The following CDH23 variants were observed in gnomAD, a reference collection of about 807,000 sequenced individuals.
CDH23 encodes cadherin related 23, also known as cadherin-23.
In CDH23, 189 loss-of-function variants were observed where a neutral mutation model predicts 317.1. That is an observed-to-expected ratio of 0.60 (90% confidence interval 0.53 to 0.67). The LOEUF is 0.67. Among genes scored for constraint, CDH23 ranks in the 30% least tolerant of loss-of-function variants. The pLI, the probability that CDH23 is intolerant of heterozygous loss-of-function variation, is 0.00. For synonymous variants in CDH23, 1,839 were observed against 1,876.8 expected (o/e 0.98, Z 0.52); for missense variants, 4,401 against 4,592.4 (o/e 0.96, Z 1.20).
chr10:71,420,550 A>G (rs1848758159), intron 1 of CDH23, among the ~76,000 whole-genome samples: 6 of 6,082 alleles, frequency 9.9e-4, no homozygotes, highest in Admixed American at 1.5e-3. Context: ...TGATGGTGAT[A>G]TGATGATGGT....
intron 11 of CDH23, chr10:71,635,407 A>G (rs992069432): frequency 1.3e-5 from 2 of 152,586 alleles, no homozygotes; most frequent in African/African-American, 4.8e-5. Flanking sequence ...CCAGCTGCCA[A>G]TCGGATTGAA....
intron 6 of CDH23, among the ~76,000 whole-genome samples, chr10:71,553,552 A>G (rs568017161): frequency 2.0e-5 from 3 of 151,832 alleles, no homozygotes; most frequent in Non-Finnish European, 4.4e-5. Flanking sequence ...CAGAATGTAC[A>G]CTCACCCAGG....
At chr10:71,398,814 T>C (rs1417206) in intron 1 of CDH23, among the ~76,000 whole-genome samples, 63,411 of 151,742 alleles carry the variant, frequency 0.42, 18,584 homozygotes, top group African/African-American at 0.83. Flanking sequence ...CCCCCGTGAG[T>C]TGGGAAGGTG....
Position 71,751,625 on chromosome 10 carries a change from G to T in CDH23, c.4845+9704G>T. The T allele has an allele frequency of 6.7e-7, 1 of 1,502,730 alleles. No homozygotes were observed. Among genetic ancestry groups the T allele is most frequent in the South Asian group, 1.4e-5 (1 of 74,072 alleles). The allele number at this position is 1,502,730 out of a possible 1,614,324, so 93.1% of individuals were successfully genotyped here. On this transcript the variant is annotated intron_variant, in intron 38 of 69. Coordinates refer to ENST00000224721, the MANE Select transcript of CDH23 (RefSeq NM_022124.6). This position sits in a 1 kb window ranked among gnomAD's most constrained non-coding sequence, Gnocchi z 4.9. ...GATGCCCTGCAGGCCATGAGGTCATGACCTTACAGGTCATCGTGCTGTGAA... is the reference window on the plus strand; with the variant it reads ...GATGCCCTGCAGGCCATGAGGTCATTACCTTACAGGTCATCGTGCTGTGAA...
intron 8 of CDH23, among the ~76,000 whole-genome samples, chr10:71,575,300 A>G (rs1268873144): frequency 6.6e-6 from 1 of 152,204 alleles, no homozygotes. Flanking sequence ...CCAGGCCCAA[A>G]TAAAGTAACA....
intron 6 of CDH23, among the ~76,000 whole-genome samples, chr10:71,555,068 G>A (rs1856803965): frequency 6.6e-6 from 1 of 152,308 alleles, no homozygotes; most frequent in East Asian, 1.9e-4. Flanking sequence ...GGGCACGGGG[G>A]TATGAGGCTT....
Position 71,774,051 on chromosome 10 carries a change from G to GCACA in CDH23, c.4846-3594_4846-3591dup, listed in dbSNP as rs57159718. Among the ~76,000 whole-genome samples, 751 of 88,522 alleles carry GCACA rather than the reference G, an allele frequency of 8.5e-3. 1 individual carries two copies. The highest frequency in any genetic ancestry group is 0.013 in the Middle Eastern group (2 of 152). The allele number at this position is 88,522 out of a possible 152,430, so 58.1% of individuals were successfully genotyped here. Reference sequence around the variant, plus strand: ...AGGCACCCTGAGTGCATGCGCGCGCGCACACACACACACACACACACACAC... The same window carrying GCACA: ...AGGCACCCTGAGTGCATGCGCGCGCGCACACACACACACACACACACACACACAC... On this transcript the variant is annotated intron_variant, in intron 38 of 69. Transcript: ENST00000224721.
At position 71,566,832 on chromosome 10, in the gene CDH23, C is replaced by G. The variant is rs1857432496; in HGVS notation, c.520C>G (p.Pro174Ala). The stretch of plus-strand genomic sequence containing the variant: ...CAGCGTCCTCTACTCCTTCCAGCCC[C>G]CCTCCCAATTCTTCGCCATTGACAG... ...GGSVLYSFQP[P>A]SQFFAIDSAR... Residue 174 changes from proline to alanine, a missense_variant, in exon 7 of 70, where the codon CCC (proline) becomes GCC (alanine). Transcript: ENST00000224721. 5.0e-6 allele frequency: 8 copies of G among 1,613,992 alleles called. No homozygotes were observed. Among genetic ancestry groups the G allele is most frequent in the Non-Finnish European group, 6.8e-6 (8 of 1,179,882 alleles).
intron 14 of CDH23, among the ~76,000 whole-genome samples, chr10:71,669,145 G>T (rs1370966801): frequency 6.6e-6 from 1 of 152,198 alleles, no homozygotes; most frequent in Admixed American, 6.5e-5. Context: ...TCCCCTGATG[G>T]TTCTGCTGAG....
intron 30 of CDH23, among the ~76,000 whole-genome samples, chr10:71,726,554 C>A (rs1368457465): frequency 6.6e-6 from 1 of 152,198 alleles, no homozygotes; most frequent in East Asian, 1.9e-4. Flanking sequence ...CTGAGTGAGA[C>A]CTGCCCTGTG....
chr10:71,646,669 G>C, intron 14 of CDH23, 52 bp downstream of exon 14: 1 of 1,613,996 alleles, frequency 6.2e-7, no homozygotes, highest in Non-Finnish European at 8.5e-7. Flanking sequence ...GCCGACTGTG[G>C]TGAGGCACCC....
At chr10:71,707,385 TG>T in intron 26 of CDH23, 1 of 1,354,590 alleles carries the variant, frequency 7.4e-7, no homozygotes, top group Non-Finnish European at 9.5e-7. Context: ...GCCCCAAGTC[TG>T]GGTGACAGAG....
At chr10:71,742,096 G>A (rs984773670) in intron 38 of CDH23, 175 bp downstream of exon 38, 4 of 631,694 alleles carry the variant, frequency 6.3e-6, no homozygotes, top group Non-Finnish European at 5.4e-6. Flanking sequence ...CCTTACGGAG[G>A]CCTGTTGCGT....
intron 28 of CDH23, chr10:71,716,153 G>T: frequency 6.4e-7 from 1 of 1,550,534 alleles, no homozygotes; most frequent in South Asian, 1.2e-5. Flanking sequence ...GTCCAGCGCG[G>T]CCGGCTTGCA....
intron 3 of CDH23, among the ~76,000 whole-genome samples, chr10:71,496,610 G>A (rs1010777725): frequency 6.6e-6 from 1 of 152,256 alleles, no homozygotes; most frequent in African/African-American, 2.4e-5. Flanking sequence ...AGCTCCAGCT[G>A]ATTCCAGTGT....
chr10:71,642,721 C>T (rs1373454999), intron 11 of CDH23, among the ~76,000 whole-genome samples: 1 of 152,164 alleles, frequency 6.6e-6, no homozygotes, highest in African/African-American at 2.4e-5. Flanking sequence ...TCTTATCCCC[C>T]ACTCTGCCAC....
At chr10:71,810,255 T>C (rs1228612269) in intron 61 of CDH23, among the ~76,000 whole-genome samples, 179 bp downstream of exon 61, 7 of 152,208 alleles carry the variant, frequency 4.6e-5, no homozygotes, top group Non-Finnish European at 1.0e-4. Context: ...TGGGCCTCAG[T>C]TTCCTCTTCC....
At chr10:71,663,397 C>G (rs1457559306) in intron 14 of CDH23, among the ~76,000 whole-genome samples, 1 of 152,202 alleles carries the variant, frequency 6.6e-6, no homozygotes. Flanking sequence ...ATGCCGTCTC[C>G]CCTGCATCTC....
In CDH23 at chr10:71,731,903, G is replaced by T. The variant is rs547111328; in HGVS notation, c.3716-84G>T. On this transcript the variant is annotated intron_variant, in intron 31 of 69. Coordinates refer to ENST00000224721, the MANE Select transcript of CDH23 (RefSeq NM_022124.6). ...CCATGCTGGGTGGGCCACCCAGGGG[G>T]TATGGGTGTGGCAGCTTGAGAAGCC... 110 of 1,453,346 alleles carry T rather than the reference G, an allele frequency of 7.6e-5. No individual in the cohort carries two copies. In the African/African-American group the frequency reaches 1.5e-3, roughly 20 times the overall value. 90.0% of individuals were successfully genotyped at this position (1,453,346 alleles called of 1,614,324 possible). A position where few individuals can be genotyped will look rare whatever the true frequency, so the allele number is the denominator to read the frequency against.
Sources: gnomAD v4.1 joint callset for allele counts (sites outside exome capture counted in the v4.1 genomes callset) on GRCh38, gnomAD v4.1.1 for gene constraint, Gnocchi (gnomAD v3.1) non-coding constraint, MANE v1.5 for transcripts, NCBI Gene and HGNC (gene_info 2026-07-23, HGNC 2026-07-21) for gene names.